BLOC1S2: variants seen among roughly 807,000 people sequenced by gnomAD.
BLOC1S2 encodes the protein biogenesis of lysosome-related organelles complex 1 subunit 2.
A neutral mutation model predicts 19.6 loss-of-function variants in BLOC1S2; 12 were observed. The observed-to-expected ratio is 0.61, with a 90% CI of 0.39 to 0.99. The LOEUF (loss-of-function observed/expected upper bound fraction) is 0.99, where lower values mean the gene tolerates loss of function less well. Among genes scored for constraint, BLOC1S2 ranks in the 50% least tolerant of loss-of-function variants. The pLI, the probability that BLOC1S2 is intolerant of heterozygous loss-of-function variation, is 0.00. For missense variants in BLOC1S2, 142 were observed against 171.0 expected (o/e 0.83, Z 0.95); for synonymous variants, 66 against 64.1 (o/e 1.03, Z -0.14).
intron 2 of BLOC1S2, among the ~76,000 whole-genome samples, chr10:100,283,720 T>A (rs12253275): frequency 0.21 from 32,032 of 151,590 alleles, 6,281 homozygotes; most frequent in African/African-American, 0.52. Context: ...AAAATAAAAA[T>A]AAAAATTAGC....
intron 4 of BLOC1S2, chr10:100,279,893 C>A (rs1287928299): frequency 7.0e-6 from 2 of 285,758 alleles, no homozygotes; most frequent in Non-Finnish European, 1.3e-5. Flanking sequence ...AAAAAACAAA[C>A]CAAAAACAAA....
Position 100,274,274 on chromosome 10 carries a change from A to G in BLOC1S2, c.*1188T>C, listed in dbSNP as rs539670724. ...ATAAACAAACAAAAAAACACAAGGG[A>G]CTTGTATGCATAATGAAAGTCTAGA... On this transcript the variant is annotated 3_prime_UTR_variant, in exon 5 of 5. Coordinates refer to ENST00000370372, the MANE Select transcript of BLOC1S2 (RefSeq NM_173809.5). The G allele has an allele frequency of 3.3e-5, 5 of 150,120 alleles. No homozygotes were observed. In the East Asian group the frequency reaches 9.7e-4, roughly 29 times the overall value. The allele number at this position is 150,120 out of a possible 1,614,324, so 9.3% of individuals were successfully genotyped here. A position where few individuals can be genotyped will look rare whatever the true frequency, so the allele number is the denominator to read the frequency against.
chr10:100,279,638 C>T (rs776639564), intron 4 of BLOC1S2, among the ~76,000 whole-genome samples: 4 of 152,008 alleles, frequency 2.6e-5, no homozygotes, highest in Non-Finnish European at 4.4e-5. Context: ...ATAATACAGG[C>T]CAGGCCGAGG....
chr10:100,275,354 A>G lies in BLOC1S2; in HGVS notation c.*108T>C, dbSNP rs1847824917. The G allele has an allele frequency of 1.7e-6, 2 of 1,172,876 alleles. No homozygotes were observed. Among genetic ancestry groups the G allele is most frequent in the Admixed American group, 4.2e-5 (2 of 47,568 alleles). The allele number at this position is 1,172,876 out of a possible 1,614,324, so 72.7% of individuals were successfully genotyped here. A position where few individuals can be genotyped will look rare whatever the true frequency, so the allele number is the denominator to read the frequency against. On this transcript the variant is annotated 3_prime_UTR_variant, in exon 5 of 5. Coordinates refer to ENST00000370372, the MANE Select transcript of BLOC1S2 (RefSeq NM_173809.5). ...GAGATGTTCCTGTGATGACCAGCAT[A>G]ATTTCCTTTTGAGGAATTTTCACAA...
rs542650878 is a variant in BLOC1S2, at chr10:100,279,816, G to A, written c.397+308C>T. On this transcript the variant is annotated intron_variant, in intron 4 of 4. Transcript: ENST00000370372. ...CTTGAACCCAGACCCAGGAGGCGGA[G>A]GTTGCGGTGAGCCGAGATCGCACCA... 1.6e-3 allele frequency among the ~76,000 whole-genome samples: 238 copies of A among 152,190 alleles called. 1 individual carries two copies. Among genetic ancestry groups the A allele is most frequent in the African/African-American group, 5.3e-3 (221 of 41,528 alleles).
chr10:100,275,616 A>G, intron 4 of BLOC1S2, 123 bp from the exon 5 acceptor site: 1 of 813,232 alleles, frequency 1.2e-6, no homozygotes. Flanking sequence ...ATTAGCTTCA[A>G]TCTCATCATC....
chr10:100,273,341 ATTATCACTTGT>A lies in BLOC1S2; in HGVS notation c.*2110_*2120del, dbSNP rs945515014. 2.6e-5 allele frequency: 4 copies of A among 152,234 alleles called. No homozygotes were observed. Among genetic ancestry groups the A allele is most frequent in the African/African-American group, 9.6e-5 (4 of 41,458 alleles). The allele number at this position is 152,234 out of a possible 1,614,324, so 9.4% of individuals were successfully genotyped here. A position where few individuals can be genotyped will look rare whatever the true frequency, so the allele number is the denominator to read the frequency against. On this transcript the variant is annotated 3_prime_UTR_variant, in exon 5 of 5. Coordinates refer to ENST00000370372, the MANE Select transcript of BLOC1S2 (RefSeq NM_173809.5). ...TTTACACATTATATACATGTATTAA[ATTATCACTTGT>A]ACTCTGAAAATACATACATCTATTA...
At chr10:100,280,098 A>T (rs549994140) in intron 4 of BLOC1S2, 26 bp downstream of exon 4, 1 of 1,572,552 alleles carries the variant, frequency 6.4e-7, no homozygotes, top group African/African-American at 1.4e-5. Flanking sequence ...TCTTTATTAC[A>T]TCAAAACAGA....
chr10:100,276,328 T>C (rs11190449), intron 4 of BLOC1S2, among the ~76,000 whole-genome samples: 12,743 of 35,766 alleles, frequency 0.36, 2,600 homozygotes, highest in African/African-American at 0.59. Flanking sequence ...TCTCCCTCTC[T>C]CTCTCCCGTC....
At chr10:100,280,253 T>C (rs1157093646) in intron 3 of BLOC1S2, 25 bp from the exon 4 acceptor site, 4 of 1,561,290 alleles carry the variant, frequency 2.6e-6, no homozygotes, top group Non-Finnish European at 2.6e-6. Flanking sequence ...AAAAACTTCA[T>C]GTTTATATGG....
chr10:100,286,569 C>T, intron 1 of BLOC1S2, 36 bp downstream of exon 1: 1 of 1,611,734 alleles, frequency 6.2e-7, no homozygotes. Flanking sequence ...CCCCAGGCCC[C>T]CCACCGGACG....
intron 4 of BLOC1S2, among the ~76,000 whole-genome samples, chr10:100,277,094 T>C (rs999948733): frequency 6.7e-6 from 1 of 148,540 alleles, no homozygotes; most frequent in African/African-American, 2.5e-5. Context: ...ATCTAGGAAG[T>C]GAGGAGCGTC....
rs1487219812 is a variant in BLOC1S2, at chr10:100,274,606, A to C, written c.*856T>G. 1 of 186,288 alleles carries C rather than the reference A, an allele frequency of 5.4e-6. No homozygotes were observed. The highest frequency in any genetic ancestry group is 1.1e-5 in the Non-Finnish European group (1 of 91,304). 11.5% of individuals were successfully genotyped at this position (186,288 alleles called of 1,614,324 possible). A position where few individuals can be genotyped will look rare whatever the true frequency, so the allele number is the denominator to read the frequency against. On this transcript the variant is annotated 3_prime_UTR_variant, in exon 5 of 5. Transcript: ENST00000370372. ...GCCTATCTTTCAACCTAGACTGGTC[A>C]GTCAGTATGTCCCATTGTCTGATGT... is the stretch of plus-strand genomic sequence containing the variant.
At chr10:100,283,955 C>T (rs1052243306) in intron 2 of BLOC1S2, among the ~76,000 whole-genome samples, 1 of 152,180 alleles carries the variant, frequency 6.6e-6, no homozygotes, top group African/African-American at 2.4e-5. Context: ...TAAAGTAAGC[C>T]AAGTGCTTGC....
intron 2 of BLOC1S2, among the ~76,000 whole-genome samples, chr10:100,283,439 G>A (rs1241782000): frequency 1.3e-5 from 2 of 152,108 alleles, no homozygotes; most frequent in African/African-American, 4.8e-5. Context: ...GCCTCCCAAA[G>A]TGCTAGGATT....
chr10:100,279,650 G>A (rs529650208), intron 4 of BLOC1S2, among the ~76,000 whole-genome samples: 2 of 152,264 alleles, frequency 1.3e-5, no homozygotes, highest in South Asian at 4.2e-4. Flanking sequence ...AGGCCGAGGT[G>A]GGCAGATCAC....
At chr10:100,280,287 A>G in intron 3 of BLOC1S2, 59 bp from the exon 4 acceptor site, 1 of 1,417,918 alleles carries the variant, frequency 7.1e-7, no homozygotes, top group South Asian at 1.2e-5. Flanking sequence ...GAATATAGGA[A>G]AAGAGTGGAA....
chr10:100,280,045 T>C, intron 4 of BLOC1S2, 79 bp downstream of exon 4: 3 of 1,072,762 alleles, frequency 2.8e-6, no homozygotes, highest in South Asian at 1.4e-5. Context: ...ACACCATAAA[T>C]GTTAACTATT....
intron 2 of BLOC1S2, 150 bp from the exon 3 acceptor site, chr10:100,281,203 C>T: frequency 1.1e-6 from 1 of 875,254 alleles, no homozygotes; most frequent in South Asian, 1.7e-5. Context: ...ATAACTCAGC[C>T]TATGTACTCT....
Sources: gnomAD v4.1 joint callset for allele counts (sites outside exome capture counted in the v4.1 genomes callset) on GRCh38, gnomAD v4.1.1 for gene constraint, MANE v1.5 for transcripts, NCBI Gene and HGNC (gene_info 2026-07-23, HGNC 2026-07-21) for gene names.